Variants in GABRB1 observed in about 807,000 individuals in gnomAD.
The protein encoded by GABRB1 is gamma-aminobutyric acid type A receptor subunit beta1, also known as gamma-aminobutyric acid receptor subunit beta-1.
Under a neutral mutation model 51.6 loss-of-function variants are expected in GABRB1, and 17 were observed. The observed-to-expected ratio is 0.33, with a 90% confidence interval of 0.23 to 0.49. The LOEUF (loss-of-function observed/expected upper bound fraction) is 0.49, where lower values mean the gene tolerates loss of function less well. Among genes scored for constraint, GABRB1 ranks in the 20% least tolerant of loss-of-function variants. GABRB1 has a pLI of 0.99. For missense variants in GABRB1, 410 were observed against 600.6 expected (o/e 0.68, Z 3.32); for synonymous variants, 247 against 218.9 (o/e 1.13, Z -1.14).
rs1039751896 is a variant in GABRB1 at position 47,403,830 on chromosome 4, A to G, written c.835+119A>G. 2.9e-5 allele frequency: 26 copies of G among 881,894 alleles called. No individual in the cohort carries two copies. In the South Asian group the frequency reaches 4.6e-4, roughly 16 times the overall value. 54.6% of individuals were successfully genotyped at this position (881,894 alleles called of 1,614,324 possible). A position where few individuals can be genotyped will look rare whatever the true frequency, so the allele number is the denominator to read the frequency against. ...AAGCCAAAGAATTAGATCATCTTAC[A>G]AGTCCCTGAATATAAAACATCTAAA... On this transcript the variant is annotated intron_variant, in intron 7 of 8. Coordinates refer to ENST00000295454, the MANE Select transcript of GABRB1 (RefSeq NM_000812.4).
At chr4:47,254,407 C>A in intron 4 of GABRB1, among the ~76,000 whole-genome samples, 1 of 109,070 alleles carries the variant, frequency 9.2e-6, no homozygotes, top group African/African-American at 3.7e-5. Context: ...CAGAGTCTCA[C>A]TCTGTTGCCC....
At chr4:47,207,567 C>T (rs571830732) in intron 4 of GABRB1, among the ~76,000 whole-genome samples, 6 of 152,110 alleles carry the variant, frequency 3.9e-5, no homozygotes, top group East Asian at 3.9e-4. Flanking sequence ...TATTGACCAA[C>T]GGTAACCCTT....
intron 4 of GABRB1, among the ~76,000 whole-genome samples, chr4:47,319,773 G>T (rs1214712993): frequency 6.6e-6 from 1 of 152,132 alleles, no homozygotes; most frequent in Admixed American, 6.5e-5. Context: ...GTTCTTCTCT[G>T]AATGTTTGGT....
chr4:47,302,628 A>G (rs970568737), intron 4 of GABRB1, among the ~76,000 whole-genome samples: 1 of 151,998 alleles, frequency 6.6e-6, no homozygotes, highest in Non-Finnish European at 1.5e-5. Flanking sequence ...TTCTTAATTA[A>G]CAATTAGGTC....
intron 3 of GABRB1, among the ~76,000 whole-genome samples, chr4:47,080,890 G>A (rs749712846): frequency 1.3e-5 from 2 of 152,154 alleles, no homozygotes; most frequent in Non-Finnish European, 2.9e-5. Context: ...AATGGGCTTT[G>A]CTTGGATTTA....
intron 3 of GABRB1, among the ~76,000 whole-genome samples, chr4:47,046,787 A>G (rs1726109280): frequency 6.6e-6 from 1 of 152,188 alleles, no homozygotes; most frequent in African/African-American, 2.4e-5. Flanking sequence ...TGTGGTACAT[A>G]TACACCATGG....
intron 5 of GABRB1, among the ~76,000 whole-genome samples, chr4:47,398,997 A>G (rs574971061): frequency 2.0e-5 from 3 of 152,258 alleles, no homozygotes; most frequent in South Asian, 2.1e-4. Context: ...TCACCATGTT[A>G]GCCAGGATGG....
chr4:47,082,674 C>A (rs545656277), intron 3 of GABRB1, among the ~76,000 whole-genome samples: 1 of 152,050 alleles, frequency 6.6e-6, no homozygotes, highest in South Asian at 2.1e-4. Context: ...AGTCTAAGAA[C>A]CTTAGTTTCT....
intron 4 of GABRB1, among the ~76,000 whole-genome samples, chr4:47,188,347 C>T (rs191759383): frequency 4.5e-4 from 68 of 152,044 alleles, no homozygotes; most frequent in African/African-American, 1.5e-3. Context: ...TCACTTTGGA[C>T]GTTTTTTAAT....
chr4:47,287,712 G>A (rs967039179), intron 4 of GABRB1, among the ~76,000 whole-genome samples: 6 of 152,090 alleles, frequency 3.9e-5, no homozygotes, highest in Admixed American at 1.3e-4. Context: ...GTCATGTCTC[G>A]ATCAGGTTTT....
chr4:47,400,633 T>C (rs1215881618), intron 5 of GABRB1, among the ~76,000 whole-genome samples: 2 of 151,988 alleles, frequency 1.3e-5, no homozygotes, highest in Non-Finnish European at 2.9e-5. Flanking sequence ...ATGAATTATA[T>C]AGTGGTGAAG....
intron 3 of GABRB1, among the ~76,000 whole-genome samples, chr4:47,043,882 A>G (rs1487625087): frequency 6.6e-6 from 1 of 152,140 alleles, no homozygotes; most frequent in Non-Finnish European, 1.5e-5. Flanking sequence ...GCTAGTCTTC[A>G]GGTACTCTTT....
At chr4:47,248,665 T>C (rs11722423) in intron 4 of GABRB1, among the ~76,000 whole-genome samples, 32,346 of 151,850 alleles carry the variant, frequency 0.21, 3,652 homozygotes, top group African/African-American at 0.27. Flanking sequence ...TATTTTTAAA[T>C]TACTATTTGA....
intron 4 of GABRB1, among the ~76,000 whole-genome samples, chr4:47,251,359 G>T (rs1437899896): frequency 1.3e-5 from 2 of 152,216 alleles, no homozygotes; most frequent in African/African-American, 4.8e-5. Context: ...GCAGGGGGAT[G>T]CATTGGATTC....
intron 4 of GABRB1, among the ~76,000 whole-genome samples, chr4:47,191,930 CAT>C: frequency 6.6e-6 from 1 of 152,240 alleles, no homozygotes; most frequent in South Asian, 2.1e-4. Context: ...TCTGCAGACA[CAT>C]AGAATACTGA....
At position 47,403,650 on chromosome 4, in the gene GABRB1, A is replaced by T. The variant is rs74488269; in HGVS notation, c.774A>T (p.Thr258=). Residue 258 remains threonine, a synonymous_variant, in exon 7 of 9, where the codon ACA becomes ACT. Transcript: ENST00000295454. ...LQTYMPSTLI[T]ILSWVSFWIN... is the part of the protein sequence containing the mutation. ...CCTACATGCCTTCTACACTGATTAC[A>T]ATTCTGTCCTGGGTGTCTTTTTGGA... 1,585 of 1,613,884 alleles carry T rather than the reference A, an allele frequency of 9.8e-4. 1 individual carries two copies. The highest frequency in any genetic ancestry group is 1.1e-3 in the Non-Finnish European group (1,288 of 1,179,920).
intron 1 of GABRB1, among the ~76,000 whole-genome samples, chr4:47,021,030 A>G (rs150547662): frequency 6.6e-6 from 1 of 152,238 alleles, no homozygotes. Flanking sequence ...ATCCATTGCT[A>G]ACTGCAGTTC....
Position 47,007,895 on chromosome 4 carries a change from A to ATATAT in GABRB1, c.-20+13969_-20+13970insTATAT, listed in dbSNP as rs375965914. Among the ~76,000 whole-genome samples the ATATAT allele has an allele frequency of 6.0e-3, 105 of 17,540 alleles. 3 individuals are homozygous for ATATAT. The highest frequency in any genetic ancestry group is 0.016 in the African/African-American group (76 of 4,792). The allele number at this position is 17,540 out of a possible 152,430, so 11.5% of individuals were successfully genotyped here. On this transcript the variant is annotated intron_variant, in intron 1 of 3. Transcript: ENST00000513567. ...ATATATATATATATATATATATATA[A>ATATAT]AATCAAGTTTGTATTTTTAAATAGT...
intron 3 of GABRB1, among the ~76,000 whole-genome samples, chr4:47,066,531 T>C (rs1161162378): frequency 6.6e-6 from 1 of 152,232 alleles, no homozygotes; most frequent in African/African-American, 2.4e-5. Context: ...ATATTCTAAA[T>C]CCTTTGTTGT....
Sources: gnomAD v4.1 joint callset for allele counts (sites outside exome capture counted in the v4.1 genomes callset) on GRCh38, gnomAD v4.1.1 for gene constraint, MANE v1.5 for transcripts, NCBI Gene and HGNC (gene_info 2026-07-23, HGNC 2026-07-21) for gene names.